Variants in PDE4B observed in about 807,000 individuals in gnomAD.
PDE4B encodes the protein 3',5'-cyclic-AMP phosphodiesterase 4B.
A neutral mutation model predicts 82.2 loss-of-function variants in PDE4B; 20 were observed. That is an observed-to-expected ratio of 0.24 (90% CI 0.17 to 0.35). The LOEUF is 0.35. Among genes scored for constraint, PDE4B ranks in the 10% least tolerant of loss-of-function variants. The pLI, the probability that PDE4B is intolerant of heterozygous loss-of-function variation, is 1.00. For synonymous variants in PDE4B, 320 were observed against 318.9 expected (o/e 1.00, Z -0.04); for missense variants, 655 against 907.2 (o/e 0.72, Z 3.57).
chr1:65,946,562 GGTTT>G, intron 3 of PDE4B, among the ~76,000 whole-genome samples: 1 of 151,970 alleles, frequency 6.6e-6, no homozygotes. Context: ...GAGTTTCCAT[GGTTT>G]GTTACTCATT....
Position 66,355,626 on chromosome 1 carries a change from A to C in PDE4B, c.841+6A>C, listed in dbSNP as rs201804146. 23 of 1,559,910 alleles carry C rather than the reference A, an allele frequency of 1.5e-5. No individual in the cohort carries two copies. The highest frequency in any genetic ancestry group is 1.3e-5 in the Non-Finnish European group (15 of 1,131,892). On this transcript the variant is annotated splice_donor_region_variant and intron_variant, in intron 9 of 16. Coordinates refer to ENST00000341517, the MANE Select transcript of PDE4B (RefSeq NM_002600.4). ...CATTTCAAATACTTTCTTAGGTAAGATATTAACTGGGAAAAACCTGTTTTA... is the reference window on the plus strand; with the variant it reads ...CATTTCAAATACTTTCTTAGGTAAGCTATTAACTGGGAAAAACCTGTTTTA...
chr1:66,241,797 G>C (rs904385882), intron 3 of PDE4B, among the ~76,000 whole-genome samples: 2 of 152,110 alleles, frequency 1.3e-5, no homozygotes, highest in Non-Finnish European at 2.9e-5. Context: ...CTCCTAGGAC[G>C]GAGTTCCTGG....
chr1:66,352,419 G>T (rs1483526087), intron 8 of PDE4B, among the ~76,000 whole-genome samples: 1 of 152,208 alleles, frequency 6.6e-6, no homozygotes, highest in Admixed American at 6.5e-5. Context: ...GCAGCTGAGA[G>T]CCACCTCCCT....
At position 66,179,109 on chromosome 1, in the gene PDE4B, C is replaced by T. The variant is rs1009392939; in HGVS notation, c.282-68351C>T. ...TCAGGTGATCTGCCTACCTCGGCCTCCCAAAGTGCTGGATTACAGGCGTGA... is the reference window on the plus strand; with the variant it reads ...TCAGGTGATCTGCCTACCTCGGCCTTCCAAAGTGCTGGATTACAGGCGTGA... On this transcript the variant is annotated intron_variant, in intron 3 of 16. Coordinates refer to ENST00000341517, the MANE Select transcript of PDE4B (RefSeq NM_002600.4). Among the ~76,000 whole-genome samples, 9 of 152,178 alleles carry T rather than the reference C, an allele frequency of 5.9e-5. No individual in the cohort carries two copies. The East Asian group carries it at 1.7e-3, about 29-fold the overall frequency.
intron 1 of PDE4B, among the ~76,000 whole-genome samples, chr1:65,837,538 G>A (rs1359949391): frequency 6.6e-6 from 1 of 152,174 alleles, no homozygotes; most frequent in Non-Finnish European, 1.5e-5. Flanking sequence ...AACCTGGGAG[G>A]TGGAGGTTGC....
intron 7 of PDE4B, among the ~76,000 whole-genome samples, chr1:66,282,184 T>C (rs971759844): frequency 1.3e-4 from 20 of 152,224 alleles, no homozygotes; most frequent in African/African-American, 4.8e-4. Flanking sequence ...TCCTCCAGAT[T>C]CTAGAACTAG....
At chr1:66,209,035 T>C (rs2101568522) in intron 3 of PDE4B, among the ~76,000 whole-genome samples, 1 of 152,354 alleles carries the variant, frequency 6.6e-6, no homozygotes. Context: ...AGAGCTGTGA[T>C]GCTCAATAAT....
At chr1:66,025,260 A>T (rs2503216) in intron 3 of PDE4B, among the ~76,000 whole-genome samples, 149,290 of 152,216 alleles carry the variant, frequency 0.98, 73,266 homozygotes, top group Middle Eastern at 1. Flanking sequence ...CAAGGAAAGA[A>T]GTGATAGAAG....
intron 1 of PDE4B, among the ~76,000 whole-genome samples, chr1:65,808,998 A>G (rs1322530542): frequency 1.3e-5 from 2 of 152,046 alleles, no homozygotes; most frequent in Non-Finnish European, 2.9e-5. Context: ...TGTTTTTTGA[A>G]CATGTTATGT....
At chr1:65,889,387 T>A (rs1646827701) in intron 1 of PDE4B, among the ~76,000 whole-genome samples, 1 of 152,138 alleles carries the variant, frequency 6.6e-6, no homozygotes, top group South Asian at 2.1e-4. Context: ...TATTGGCCTG[T>A]AGTGTTGTTG....
At chr1:65,793,838 G>T (rs143433995) in intron 1 of PDE4B, among the ~76,000 whole-genome samples, 51 of 152,268 alleles carry the variant, frequency 3.3e-4, no homozygotes, top group African/African-American at 1.2e-3. Context: ...GGAAGGAAGA[G>T]GCTCTCCTCC....
Position 65,918,776 on chromosome 1 carries a change from G to A in PDE4B, c.222G>A (p.Pro74=), listed in dbSNP as rs1389742660. 4.3e-6 allele frequency: 7 copies of A among 1,613,986 alleles called. No homozygotes were observed. The highest frequency in any genetic ancestry group is 1.6e-4 in the Middle Eastern group (1 of 6,062). Residue 74 remains proline (P), a synonymous_variant, in exon 3 of 17, where the codon CCG becomes CCA. Coordinates refer to ENST00000341517, the MANE Select transcript of PDE4B (RefSeq NM_002600.4). ...CTGAGGGAGATGGTATTTCCAGGCCGACCACACTGCCTTTGACAACGCTTC... is the reference window on the plus strand; with the variant it reads ...CTGAGGGAGATGGTATTTCCAGGCCAACCACACTGCCTTTGACAACGCTTC... ...RTPEGDGISR[P]TTLPLTTLPS...
chr1:65,902,853 C>CTGAA (rs1380832884), intron 1 of PDE4B, among the ~76,000 whole-genome samples: 4 of 152,056 alleles, frequency 2.6e-5, no homozygotes, highest in Non-Finnish European at 5.9e-5. Context: ...TAAGCTTTTG[C>CTGAA]TGAAACAAAA....
intron 3 of PDE4B, among the ~76,000 whole-genome samples, chr1:65,934,708 C>A (rs1458763044): frequency 6.6e-6 from 1 of 151,870 alleles, no homozygotes; most frequent in Non-Finnish European, 1.5e-5. Context: ...AAATGGTCAC[C>A]AAAGGAGAAG....
chr1:66,001,057 G>A (rs879669181), intron 3 of PDE4B, among the ~76,000 whole-genome samples: 16 of 151,970 alleles, frequency 1.1e-4, no homozygotes, highest in Admixed American at 7.2e-4. Context: ...ATGAGTAGAG[G>A]GAGAAAAGAA....
chr1:65,981,842 C>T (rs1650707314), intron 3 of PDE4B, among the ~76,000 whole-genome samples: 1 of 152,054 alleles, frequency 6.6e-6, no homozygotes, highest in South Asian at 2.1e-4. Flanking sequence ...TTTCTGCCTT[C>T]CCCCCAAGAA....
chr1:66,198,030 A>G (rs552978809), intron 3 of PDE4B, among the ~76,000 whole-genome samples: 4 of 152,276 alleles, frequency 2.6e-5, no homozygotes, highest in African/African-American at 4.8e-5. Flanking sequence ...GACCAAGTCC[A>G]TGACTGCTAC....
chr1:65,910,504 C>A (rs529351301), intron 1 of PDE4B, among the ~76,000 whole-genome samples: 1 of 152,118 alleles, frequency 6.6e-6, no homozygotes, highest in East Asian at 1.9e-4. Context: ...CTGTATTAGT[C>A]AGGATCCTAG....
intron 4 of PDE4B, among the ~76,000 whole-genome samples, chr1:66,250,710 C>T (rs1653698455): frequency 6.6e-6 from 1 of 152,200 alleles, no homozygotes; most frequent in Non-Finnish European, 1.5e-5. Flanking sequence ...TACTGAGGTA[C>T]AGATTGCCTC....
Sources: gnomAD v4.1 joint callset for allele counts (sites outside exome capture counted in the v4.1 genomes callset) on GRCh38, gnomAD v4.1.1 for gene constraint, MANE v1.5 for transcripts, NCBI Gene and HGNC (gene_info 2026-07-23, HGNC 2026-07-21) for gene names.